ARHGEF3: variants seen among roughly 807,000 people sequenced by gnomAD.
The protein encoded by ARHGEF3 is 59.8 kDA protein.
In ARHGEF3, 28 loss-of-function variants were observed where a neutral mutation model predicts 63.2. The ratio of observed to expected loss-of-function variants is 0.44; its 90% CI spans 0.33 to 0.61. The LOEUF (loss-of-function observed/expected upper bound fraction) is 0.61. ARHGEF3 is among the 20% of genes least tolerant of loss of function. The probability of loss-of-function intolerance (pLI) is 0.03; values close to 1 mark genes in which losing one functional copy is unlikely to be tolerated. For missense variants in ARHGEF3, 533 were observed against 659.3 expected, an observed-to-expected ratio of 0.81 and a Z score of 2.10; for synonymous variants, 266 against 254.2, an observed-to-expected ratio of 1.05 and a Z score of -0.44.
At chr3:57,051,419 G>A (rs567592645) in intron 1 of ARHGEF3, among the ~76,000 whole-genome samples, 1 of 151,874 alleles carries the variant, frequency 6.6e-6, no homozygotes, top group South Asian at 2.1e-4. Context: ...CCCGTGAGGC[G>A]GAGTTTGAAG....
chr3:56,852,274 C>A (rs762649623), intron 4 of ARHGEF3, among the ~76,000 whole-genome samples: 5 of 152,150 alleles, frequency 3.3e-5, no homozygotes, highest in Non-Finnish European at 7.3e-5. Flanking sequence ...CCCCATGGTG[C>A]CCTGCATGTT....
chr3:56,850,902 T>C (rs745847379), intron 4 of ARHGEF3, among the ~76,000 whole-genome samples: 39 of 152,192 alleles, frequency 2.6e-4, no homozygotes, highest in Non-Finnish European at 4.8e-4. Context: ...GCACTATTAT[T>C]ATCTCCAATA....
chr3:56,945,792 G>C (rs1204099755), intron 3 of ARHGEF3, among the ~76,000 whole-genome samples: 1 of 152,198 alleles, frequency 6.6e-6, no homozygotes, highest in Non-Finnish European at 1.5e-5. Context: ...GGTTCTCCCA[G>C]CATGCAGCTG....
intron 1 of ARHGEF3, among the ~76,000 whole-genome samples, chr3:56,799,692 CT>C (rs879304816): frequency 2.0e-5 from 3 of 152,186 alleles, no homozygotes; most frequent in Non-Finnish European, 4.4e-5. Context: ...GGTTGGCTGC[CT>C]TTTGCGCTGA....
intron 3 of ARHGEF3, among the ~76,000 whole-genome samples, chr3:56,929,997 C>T (rs1412436896): frequency 6.6e-6 from 1 of 152,156 alleles, no homozygotes. Flanking sequence ...TCTTGGGTGG[C>T]CAGCCCATTG....
chr3:56,947,189 A>G (rs1487995780), intron 3 of ARHGEF3, among the ~76,000 whole-genome samples: 1 of 152,228 alleles, frequency 6.6e-6, no homozygotes, highest in Non-Finnish European at 1.5e-5. Context: ...AATTGTAAAG[A>G]CCATCGAGGC....
intron 3 of ARHGEF3, among the ~76,000 whole-genome samples, chr3:56,928,881 G>A (rs1167356329): frequency 6.6e-6 from 1 of 152,176 alleles, no homozygotes; most frequent in African/African-American, 2.4e-5. Context: ...GGCAGGAAAT[G>A]CATTACATAA....
At chr3:57,028,542 T>A (rs1314441052) in intron 2 of ARHGEF3, among the ~76,000 whole-genome samples, 1 of 82,604 alleles carries the variant, frequency 1.2e-5, no homozygotes, top group Non-Finnish European at 2.3e-5. Flanking sequence ...GGGACTGTGG[T>A]GGGGTGGGGG....
chr3:57,028,698 AAAAAT>A (rs1290681673), intron 2 of ARHGEF3, among the ~76,000 whole-genome samples: 4 of 144,800 alleles, frequency 2.8e-5, no homozygotes, highest in Admixed American at 6.7e-5. Context: ...ATAATAAAAA[AAAAAT>A]AAATAAATAA....
Position 56,729,389 on chromosome 3 carries a change from G to A in ARHGEF3, c.1462C>T (p.Gln488Ter). The change falls in exon 10 of 10, where the codon CAA (glutamine) becomes TAA (stop). Residue 488 changes from glutamine (Q) to a stop codon, truncating the protein, a stop_gained. Coordinates refer to ENST00000296315, the MANE Select transcript of ARHGEF3 (RefSeq NM_019555.3). LOFTEE classifies it high-confidence loss of function. ...QGETKLEQMD[Q>*]SDSESDCSMD... The stretch of plus-strand genomic sequence containing the variant: ...CTACAGTCTGACTCACTGTCCGATT[G>A]GTCCATCTGCTCAAGTTTTGTTTCT... 6.2e-7 allele frequency: 1 copy of A among 1,614,036 alleles called. No homozygotes were observed. The highest frequency in any genetic ancestry group is 8.5e-7 in the Non-Finnish European group (1 of 1,180,020).
At position 56,779,432 on chromosome 3, in the gene ARHGEF3, T is replaced by C. The variant is rs181601565; in HGVS notation, c.97-5616A>G. ...GACAAAATACATGTCAAATGGTACA[T>C]GTATTTGGTACATGCCTGCCTATGG... On this transcript the variant is annotated intron_variant, in intron 1 of 9. Coordinates refer to ENST00000296315, the MANE Select transcript of ARHGEF3 (RefSeq NM_019555.3). Among the ~76,000 whole-genome samples the C allele has an allele frequency of 8.5e-5, 13 of 152,226 alleles. No homozygotes were observed. The East Asian group carries it at 1.5e-3, about 18-fold the overall frequency.
At chr3:57,061,791 T>A (rs1456662820) in intron 1 of ARHGEF3, among the ~76,000 whole-genome samples, 1 of 152,210 alleles carries the variant, frequency 6.6e-6, no homozygotes, top group Non-Finnish European at 1.5e-5. Flanking sequence ...GAATTTTTAT[T>A]AACTCATTTA....
At chr3:56,968,520 G>A (rs1386358385) in intron 2 of ARHGEF3, among the ~76,000 whole-genome samples, 1 of 145,224 alleles carries the variant, frequency 6.9e-6, no homozygotes, top group Non-Finnish European at 1.5e-5. Context: ...GTAGAGACGG[G>A]GTCTCCCTAT....
intron 2 of ARHGEF3, among the ~76,000 whole-genome samples, chr3:56,977,841 A>T (rs1701181652): frequency 6.6e-6 from 1 of 152,202 alleles, no homozygotes; most frequent in Non-Finnish European, 1.5e-5. Flanking sequence ...AGCTGTTGTG[A>T]GGTTTAAGTA....
At chr3:56,782,649 T>TA (rs34176219) in intron 1 of ARHGEF3, among the ~76,000 whole-genome samples, 2,906 of 141,416 alleles carry the variant, frequency 0.021, 51 homozygotes, top group East Asian at 0.096. Flanking sequence ...ATTTCCTTCT[T>TA]AAAAAAAAAA....
chr3:56,979,429 AAGCCAGGGGC>A (rs1180349172), intron 2 of ARHGEF3, among the ~76,000 whole-genome samples: 3 of 152,236 alleles, frequency 2.0e-5, no homozygotes, highest in Non-Finnish European at 4.4e-5. Context: ...CAGGAGGCCC[AAGCCAGGGGC>A]AGAGGCATCT....
intron 3 of ARHGEF3, among the ~76,000 whole-genome samples, chr3:56,941,572 C>A (rs140479047): frequency 6.6e-6 from 1 of 152,266 alleles, no homozygotes; most frequent in East Asian, 1.9e-4. Flanking sequence ...ATATAAGCCT[C>A]CTGTTGCTTG....
Position 57,070,780 on chromosome 3 carries a change from C to T in ARHGEF3, c.-28+8446G>A, listed in dbSNP as rs188689294. On this transcript the variant is annotated intron_variant, in intron 1 of 12. Coordinates refer to the ARHGEF3 transcript ENST00000338458. Reference sequence around the variant, plus strand: ...TTGAGACCAGCCTGGGTAACACAGCCAGACCCAGTCTCTACCAAAAATAAA... The same window carrying T: ...TTGAGACCAGCCTGGGTAACACAGCTAGACCCAGTCTCTACCAAAAATAAA... 4.0e-5 allele frequency among the ~76,000 whole-genome samples: 6 copies of T among 151,794 alleles called. No individual in the cohort carries two copies. In the East Asian group the frequency reaches 1.2e-3, roughly 29 times the overall value.
At chr3:56,860,077 T>A (rs1248103057) in intron 4 of ARHGEF3, among the ~76,000 whole-genome samples, 1 of 152,052 alleles carries the variant, frequency 6.6e-6, no homozygotes, top group African/African-American at 2.4e-5. Context: ...GATCGATAGA[T>A]AGATAAAAAT....
Sources: gnomAD v4.1 joint callset for allele counts (sites outside exome capture counted in the v4.1 genomes callset) on GRCh38, gnomAD v4.1.1 for gene constraint, MANE v1.5 for transcripts, NCBI Gene and HGNC (gene_info 2026-07-23, HGNC 2026-07-21) for gene names.